PPM1H: variants seen among roughly 807,000 people sequenced by gnomAD.
PPM1H encodes the protein protein phosphatase 1H.
PPM1H carries 27 observed loss-of-function variants against 54.9 expected under a neutral mutation model. The observed-to-expected ratio is 0.49, with a 90% CI of 0.36 to 0.68. The LOEUF (loss-of-function observed/expected upper bound fraction) is 0.68, where lower values mean the gene tolerates loss of function less well. Ranked by LOEUF, PPM1H falls within the 30% of genes least tolerant of loss-of-function variation. The pLI is 0.00. For missense variants in PPM1H, 596 were observed against 667.8 expected (o/e 0.89, Z 1.19); for synonymous variants, 305 against 270.8 (o/e 1.13, Z -1.24).
intron 1 of PPM1H, among the ~76,000 whole-genome samples, chr12:62,894,646 A>G (rs1870918513): frequency 6.6e-6 from 1 of 152,236 alleles, no homozygotes; most frequent in Admixed American, 6.5e-5. Context: ...AGTCCTTAGC[A>G]TAGCACTGGA....
At chr12:62,799,341 T>C (rs1158797029) in intron 3 of PPM1H, among the ~76,000 whole-genome samples, 1 of 152,188 alleles carries the variant, frequency 6.6e-6, no homozygotes, top group Non-Finnish European at 1.5e-5. Flanking sequence ...AAATTGAGAA[T>C]GCAGCAGCTC....
At chr12:62,687,498 G>C (rs2136634910) in intron 8 of PPM1H, among the ~76,000 whole-genome samples, 1 of 151,346 alleles carries the variant, frequency 6.6e-6, no homozygotes. Context: ...CAATCCTCCT[G>C]CCTTAGCCGC....
At position 62,745,270 on chromosome 12, in the gene PPM1H, T is replaced by A. The variant is rs2076403924; in HGVS notation, c.870-7684A>T. Among the ~76,000 whole-genome samples, 4 of 152,310 alleles carry A rather than the reference T, an allele frequency of 2.6e-5. 1 individual carries two copies. Among genetic ancestry groups the A allele is most frequent in the Admixed American group, 2.6e-4 (4 of 15,294 alleles). On this transcript the variant is annotated intron_variant, in intron 4 of 9. Transcript: ENST00000228705. ...AGAGACGAGGCCTCACTATGTTGCC[T>A]AGGCTCGTCGCGAATGCCTGGGCTC...
At position 62,907,875 on chromosome 12, in the gene PPM1H, C is replaced by T. The variant is rs1871346215; in HGVS notation, c.245+26617G>A. 2.6e-5 allele frequency among the ~76,000 whole-genome samples: 4 copies of T among 152,298 alleles called. No individual in the cohort carries two copies. In the South Asian group the frequency reaches 6.2e-4, roughly 24 times the overall value. The stretch of plus-strand genomic sequence containing the variant: ...AAGAGTACCCTTCTCCCCCTCATGG[C>T]TGTCCTTGTAATGCTCTCTCTACAT... On this transcript the variant is annotated intron_variant, in intron 1 of 9. Coordinates refer to ENST00000228705, the MANE Select transcript of PPM1H (RefSeq NM_020700.2).
chr12:62,907,868 C>A (rs76468194), intron 1 of PPM1H, among the ~76,000 whole-genome samples: 71 of 152,156 alleles, frequency 4.7e-4, no homozygotes, highest in Non-Finnish European at 8.4e-4. Context: ...CCTTCTCCCC[C>A]TCATGGCTGT....
chr12:62,730,983 A>G (rs1434937970), intron 5 of PPM1H, among the ~76,000 whole-genome samples: 2 of 152,220 alleles, frequency 1.3e-5, no homozygotes, highest in African/African-American at 4.8e-5. Flanking sequence ...TTCTTTCATA[A>G]AGAACTCTGT....
rs190654407 is a variant in PPM1H at position 62,669,272 on chromosome 12, T to C, written c.1246-1943A>G. ...CTGACGAATGTGGTCCAATTTTCAC[T>C]GTATCAGAAACAAGCAACCCTCCTA... On this transcript the variant is annotated intron_variant, in intron 8 of 9. Transcript: ENST00000228705. Among the ~76,000 whole-genome samples the C allele has an allele frequency of 1.6e-3, 239 of 152,364 alleles. 2 individuals are homozygous for C. Among genetic ancestry groups the C allele is most frequent in the Admixed American group, 0.015 (224 of 15,302 alleles).
intron 9 of PPM1H, among the ~76,000 whole-genome samples, chr12:62,651,606 G>T (rs138450680): frequency 1.9e-4 from 29 of 152,248 alleles, no homozygotes; most frequent in African/African-American, 6.7e-4. Flanking sequence ...TCTTCAATAT[G>T]GTTATTTCCT....
intron 1 of PPM1H, among the ~76,000 whole-genome samples, chr12:62,882,511 GAGACTTGGATC>G (rs1870432776): frequency 1.3e-5 from 2 of 152,362 alleles, no homozygotes; most frequent in East Asian, 3.9e-4. Flanking sequence ...GACAGAGCTA[GAGACTTGGATC>G]AGACGCAGCC....
chr12:62,883,961 G>A (rs1043716338), intron 1 of PPM1H, among the ~76,000 whole-genome samples: 1 of 151,248 alleles, frequency 6.6e-6, no homozygotes, highest in African/African-American at 2.5e-5. Context: ...TCGCATGCAC[G>A]TGACAAGTCA....
chr12:62,873,675 C>CA (rs1230174650), intron 1 of PPM1H, among the ~76,000 whole-genome samples: 2 of 152,166 alleles, frequency 1.3e-5, no homozygotes, highest in East Asian at 3.9e-4. Context: ...CTAACCCATT[C>CA]ACCTATATAT....
chr12:62,817,152 T>TAAAAAAAAAAAAAAAAAAAAAAA (rs2076873724), intron 2 of PPM1H, among the ~76,000 whole-genome samples: 4 of 63,144 alleles, frequency 6.3e-5, no homozygotes, highest in Non-Finnish European at 8.7e-5. Flanking sequence ...AAAAAAAAAC[T>TAAAAAAAAAAAAAAAAAAAAAAA]AAAAAAAAGA....
chr12:62,830,241 TTTTATTTA>T (rs1010556749), intron 2 of PPM1H, among the ~76,000 whole-genome samples: 2 of 152,234 alleles, frequency 1.3e-5, no homozygotes, highest in Non-Finnish European at 2.9e-5. Context: ...TTCCTTTATA[TTTTATTTA>T]TTTATTTATT....
chr12:62,896,121 T>G (rs376794838), intron 1 of PPM1H, among the ~76,000 whole-genome samples: 1 of 152,218 alleles, frequency 6.6e-6, no homozygotes, highest in African/African-American at 2.4e-5. Flanking sequence ...ATTCAGATGA[T>G]GTGAATACCG....
rs1214080289 is a variant in PPM1H at position 62,844,864 on chromosome 12, TCTC to T, written c.246-12588_246-12586del. On this transcript the variant is annotated intron_variant, in intron 1 of 9. Coordinates refer to ENST00000228705, the MANE Select transcript of PPM1H (RefSeq NM_020700.2). The surrounding 1 kb of genome is among the most constrained non-coding windows in gnomAD (Gnocchi z 5.2). ...CTTAAAGCTTACAATATTTGGAGTT[TCTC>T]CTCATTTGATTTCTGCATTCCATAG... is the stretch of plus-strand genomic sequence containing the variant. Among the ~76,000 whole-genome samples, 5 of 152,238 alleles carry T rather than the reference TCTC, an allele frequency of 3.3e-5. No individual in the cohort carries two copies. Among genetic ancestry groups the T allele is most frequent in the Admixed American group, 1.3e-4 (2 of 15,288 alleles).
chr12:62,830,955 G>A (rs537628592), intron 2 of PPM1H, among the ~76,000 whole-genome samples: 23 of 152,152 alleles, frequency 1.5e-4, no homozygotes, highest in Admixed American at 8.5e-4. Flanking sequence ...CTGGGTTCAC[G>A]CCATTCTCCT....
chr12:62,786,063 A>G (rs1367230711), intron 4 of PPM1H, among the ~76,000 whole-genome samples: 1 of 152,178 alleles, frequency 6.6e-6, no homozygotes, highest in Non-Finnish European at 1.5e-5. Context: ...TGAGTGGGCC[A>G]GGAAGCAAAC....
At position 62,845,218 on chromosome 12, in the gene PPM1H, A is replaced by G. The variant is rs1382134781; in HGVS notation, c.246-12939T>C. Among the ~76,000 whole-genome samples the G allele has an allele frequency of 3.3e-5, 5 of 152,322 alleles. No individual in the cohort carries two copies. In the East Asian group the frequency reaches 9.7e-4, roughly 29 times the overall value. On this transcript the variant is annotated intron_variant, in intron 1 of 9. Coordinates refer to ENST00000228705, the MANE Select transcript of PPM1H (RefSeq NM_020700.2). ...ATTCTGACACTATCGGTTTGAAGCTACCCAGCCATGCAATGAGTTACCTCA... is the reference window on the plus strand; with the variant it reads ...ATTCTGACACTATCGGTTTGAAGCTGCCCAGCCATGCAATGAGTTACCTCA...
At chr12:62,659,323 C>T (rs1398839925) in intron 9 of PPM1H, 2 of 462,068 alleles carry the variant, frequency 4.3e-6, no homozygotes, top group Non-Finnish European at 7.7e-6. Context: ...TATTCTGGCT[C>T]ATCCATAAAG....
Sources: gnomAD v4.1 joint callset for allele counts (sites outside exome capture counted in the v4.1 genomes callset) on GRCh38, gnomAD v4.1.1 for gene constraint, Gnocchi (gnomAD v3.1) non-coding constraint, MANE v1.5 for transcripts, NCBI Gene and HGNC (gene_info 2026-07-23, HGNC 2026-07-21) for gene names.